The following CELF2 variants were observed in gnomAD, a reference collection of about 807,000 sequenced individuals.
CELF2 encodes the protein CUG triplet repeat RNA-binding protein 2.
CELF2 carries 8 observed loss-of-function variants against 62.6 expected under a neutral mutation model. The ratio of observed to expected loss-of-function variants is 0.13; its 90% confidence interval spans 0.07 to 0.23. CELF2 has a LOEUF of 0.23. CELF2 is among the 10% of genes least tolerant of loss of function. The pLI is 1.00. For synonymous variants in CELF2, 258 were observed against 250.0 expected (o/e 1.03, Z -0.30); for missense variants, 333 against 671.0 (o/e 0.50, Z 5.56).
At chr10:10,728,132 A>G in the CELF2 span, among the ~76,000 whole-genome samples, 1 of 150,860 alleles carries the variant, frequency 6.6e-6, no homozygotes, top group Non-Finnish European at 1.5e-5. Flanking sequence ...TTTTTCTGAT[A>G]AGTATGGAGT....
intron 1 of CELF2, among the ~76,000 whole-genome samples, chr10:10,909,573 T>G (rs1229616987): frequency 1.3e-5 from 2 of 152,244 alleles, no homozygotes; most frequent in Admixed American, 1.3e-4. Flanking sequence ...CCGTGGCTTT[T>G]GTGTTTTCAT....
chr10:10,757,357 G>A, the CELF2 span, among the ~76,000 whole-genome samples: 1 of 152,172 alleles, frequency 6.6e-6, no homozygotes. Context: ...TACTCGGGAG[G>A]CTGAGATAGG....
At chr10:10,659,262 T>C in the CELF2 span, among the ~76,000 whole-genome samples, 1 of 152,226 alleles carries the variant, frequency 6.6e-6, no homozygotes, top group Non-Finnish European at 1.5e-5. Context: ...AATTTGTCAC[T>C]GTTTCCATAA....
At chr10:11,310,882 A>G (rs1343979160) in intron 9 of CELF2, among the ~76,000 whole-genome samples, 3 of 152,100 alleles carry the variant, frequency 2.0e-5, no homozygotes, top group African/African-American at 4.8e-5. Flanking sequence ...TAACTACTCA[A>G]TTAGCAAAGA....
the CELF2 span, among the ~76,000 whole-genome samples, chr10:10,756,017 AT>A: frequency 5.0e-4 from 76 of 152,332 alleles, no homozygotes; most frequent in African/African-American, 1.8e-3. Flanking sequence ...CAAGGAATCT[AT>A]GTTTTTCACA....
chr10:11,148,040 G>A (rs189313727), intron 1 of CELF2, among the ~76,000 whole-genome samples: 42 of 152,328 alleles, frequency 2.8e-4, no homozygotes, highest in Admixed American at 1.6e-3. Context: ...GTACGAGAGC[G>A]CTGCTTGTTT....
chr10:10,703,940 T>C, the CELF2 span, among the ~76,000 whole-genome samples: 2 of 152,338 alleles, frequency 1.3e-5, no homozygotes, highest in Non-Finnish European at 2.9e-5. Flanking sequence ...CCTTGAAAGA[T>C]CTGTGATTTT....
At chr10:11,001,027 TAGA>T (rs2054467641), upstream of CELF2, among the ~76,000 whole-genome samples, 1 of 152,328 alleles carries the variant, frequency 6.6e-6, no homozygotes, top group Middle Eastern at 3.4e-3. Context: ...ATCAGCAGAA[TAGA>T]AGAACGTTCA....
chr10:10,858,645 C>T (rs79888165), intron 1 of CELF2, among the ~76,000 whole-genome samples: 1,550 of 152,124 alleles, frequency 0.01, 26 homozygotes, highest in African/African-American at 0.036. Flanking sequence ...ATGAAATTCT[C>T]CCTTTTGCAG....
intron 4 of CELF2, among the ~76,000 whole-genome samples, chr10:11,252,046 T>C (rs1233223926): frequency 1.3e-5 from 2 of 152,246 alleles, no homozygotes; most frequent in Non-Finnish European, 2.9e-5. Flanking sequence ...TCCAAAAATA[T>C]AAATGAGCGG....
At chr10:10,655,673 A>G in the CELF2 span, among the ~76,000 whole-genome samples, 3 of 125,834 alleles carry the variant, frequency 2.4e-5, no homozygotes, top group African/African-American at 8.6e-5. Flanking sequence ...AGCCATATGT[A>G]GAAAGCTGAA....
chr10:11,141,385 T>C (rs2061335985), intron 1 of CELF2, among the ~76,000 whole-genome samples: 1 of 152,190 alleles, frequency 6.6e-6, no homozygotes, highest in African/African-American at 2.4e-5. Flanking sequence ...GAGCAGAGAC[T>C]CGGAGGGGTA....
chr10:10,937,121 C>CTTTTTTTTTTTTTTTTTTTTTTTT (rs373143426), intron 2 of CELF2, among the ~76,000 whole-genome samples: 17 of 90,536 alleles, frequency 1.9e-4, no homozygotes, highest in African/African-American at 5.1e-4. Context: ...TTTTTCTTTT[C>CTTTTTTTTTTTTTTTTTTTTTTTT]TTTTTTTTTT....
chr10:10,818,724 CT>C, intron 1 of CELF2, among the ~76,000 whole-genome samples: 1 of 151,910 alleles, frequency 6.6e-6, no homozygotes, highest in Admixed American at 6.6e-5. Context: ...CATGGGATAG[CT>C]GCCATCATGC....
rs1246812283 is a variant in CELF2, at chr10:11,191,614, G to A, written c.272-25811G>A. 6.6e-6 allele frequency among the ~76,000 whole-genome samples: 1 copy of A among 152,170 alleles called. No individual in the cohort carries two copies. The highest frequency in any genetic ancestry group is 1.5e-5 in the Non-Finnish European group (1 of 68,028). On this transcript the variant is annotated intron_variant, in intron 2 of 12. Transcript: ENST00000633077. The surrounding 1 kb of genome is among the most constrained non-coding windows in gnomAD (Gnocchi z 4.1). ...TGGAGCCTGGGGCACCCCATGGCCT[G>A]CCCTTGGGTTTCATTTAACTGTGGC...
At chr10:10,534,344 C>G in the CELF2 span, among the ~76,000 whole-genome samples, 4 of 151,968 alleles carry the variant, frequency 2.6e-5, no homozygotes, top group African/African-American at 4.8e-5. Flanking sequence ...TAATTTGAGG[C>G]AACTCAGAGA....
the CELF2 span, among the ~76,000 whole-genome samples, chr10:10,510,829 G>T: frequency 6.6e-6 from 1 of 152,208 alleles, no homozygotes; most frequent in Non-Finnish European, 1.5e-5. Context: ...ATTTAAACTG[G>T]AATAAGCCTT....
rs1413163061 is a variant in CELF2 at position 10,995,790 on chromosome 10, G to C, written c.89+75791G>C. On this transcript the variant is annotated intron_variant, in intron 2 of 13. Transcript: ENST00000636488. The surrounding 1 kb of genome is among the most constrained non-coding windows in gnomAD (Gnocchi z 4.7). ...TCTGATGGCCTCAACTAACGTAGTA[G>C]AGATGGGAGGAAGTGGTTGGGAAAG... 6.6e-6 allele frequency among the ~76,000 whole-genome samples: 1 copy of C among 152,186 alleles called. No homozygotes were observed. The highest frequency in any genetic ancestry group is 6.5e-5 in the Admixed American group (1 of 15,280).
At chr10:11,004,049 A>C (rs760454488), upstream of CELF2, among the ~76,000 whole-genome samples, 1 of 152,214 alleles carries the variant, frequency 6.6e-6, no homozygotes, top group African/African-American at 2.4e-5. The surrounding 1 kb of genome is among the most constrained non-coding windows in gnomAD (Gnocchi z 5.0). Context: ...CCCTGCCCAG[A>C]GAACATGTTC....
Sources: gnomAD v4.1 joint callset for allele counts (sites outside exome capture counted in the v4.1 genomes callset) on GRCh38, gnomAD v4.1.1 for gene constraint, Gnocchi (gnomAD v3.1) non-coding constraint, MANE v1.5 for transcripts, NCBI Gene and HGNC (gene_info 2026-07-23, HGNC 2026-07-21) for gene names.